CFAP47: variants seen among roughly 807,000 people sequenced by gnomAD.
CFAP47 encodes cilia- and flagella-associated protein 47.
In CFAP47, 29 loss-of-function variants were observed where a neutral mutation model predicts 148.1. The observed-to-expected ratio is 0.20, with a 90% CI of 0.15 to 0.27. CFAP47 has a LOEUF of 0.27. Ranked by LOEUF, CFAP47 falls within the 10% of genes least tolerant of loss-of-function variation. The pLI is 1.00. For synonymous variants in CFAP47, 664 were observed against 577.3 expected, an observed-to-expected ratio of 1.15 and a Z score of -2.15; for missense variants, 1,872 against 1,697.5, an observed-to-expected ratio of 1.10 and a Z score of -1.81.
At chrX:35,945,447 C>A (rs1345141137) in intron 3 of CFAP47, among the ~76,000 whole-genome samples, 1 of 111,042 alleles carries the variant, frequency 9.0e-6, no homozygotes, top group Non-Finnish European at 1.9e-5. Flanking sequence ...ACTGACTACT[C>A]CTAGATCTAT....
chrX:36,124,152 G>A (rs920400486), intron 33 of CFAP47, among the ~76,000 whole-genome samples: 2 of 111,577 alleles, frequency 1.8e-5, no homozygotes, highest in Admixed American at 9.5e-5. Context: ...GCCTGAACTG[G>A]TATTGAAGAT....
At chrX:36,371,803 CATGTATAT>C (rs1427547293) in intron 62 of CFAP47, among the ~76,000 whole-genome samples, 2 of 49,306 alleles carry the variant, frequency 4.1e-5, no homozygotes, top group Non-Finnish European at 6.0e-5. Flanking sequence ...TATATACACA[CATGTATAT>C]ATGTGTGCAT....
At chrX:36,275,352 G>A (rs1941003698) in intron 49 of CFAP47, among the ~76,000 whole-genome samples, 1 of 109,543 alleles carries the variant, frequency 9.1e-6, no homozygotes, top group Admixed American at 9.8e-5. Context: ...GGGACTACAG[G>A]CATGAACCAC....
At chrX:36,198,713 T>C (rs1939945053) in intron 42 of CFAP47, among the ~76,000 whole-genome samples, 1 of 111,702 alleles carries the variant, frequency 9.0e-6, no homozygotes, top group African/African-American at 3.2e-5. Flanking sequence ...AAGGTCTCTG[T>C]TGTAATGTTA....
At chrX:36,032,478 G>C (rs750894099) in intron 23 of CFAP47, among the ~76,000 whole-genome samples, 2 of 110,649 alleles carry the variant, frequency 1.8e-5, no homozygotes, top group East Asian at 5.6e-4. Context: ...TTTACATAGT[G>C]GGTAATTAAA....
At chrX:36,317,856 A>G (rs1251307969) in intron 56 of CFAP47, among the ~76,000 whole-genome samples, 1 of 111,745 alleles carries the variant, frequency 8.9e-6, no homozygotes, top group Non-Finnish European at 1.9e-5. Flanking sequence ...AATAATTATA[A>G]CCATTTTTGA....
intron 63 of CFAP47, among the ~76,000 whole-genome samples, chrX:36,383,286 C>T (rs782152035): frequency 8.9e-6 from 1 of 112,017 alleles, no homozygotes; most frequent in East Asian, 2.8e-4. Flanking sequence ...ATACTTTTAG[C>T]TCTCATTTGT....
At chrX:36,234,615 C>T (rs1247573996) in intron 46 of CFAP47, among the ~76,000 whole-genome samples, 1 of 112,509 alleles carries the variant, frequency 8.9e-6, no homozygotes, top group Non-Finnish European at 1.9e-5. Flanking sequence ...TCTCTCAACT[C>T]GTCAAAGTCA....
intron 57 of CFAP47, among the ~76,000 whole-genome samples, chrX:36,346,949 A>G (rs6632577): frequency 0.11 from 11,918 of 111,764 alleles, 521 homozygotes; most frequent in East Asian, 0.26. Context: ...GGATGTAATT[A>G]AACTAAAGAG....
intron 13 of CFAP47, among the ~76,000 whole-genome samples, chrX:35,973,418 T>A (rs2146667687): frequency 9.0e-6 from 1 of 111,446 alleles, no homozygotes; most frequent in Non-Finnish European, 1.9e-5. Flanking sequence ...CTCCATCTCC[T>A]GACCTCGTGA....
At position 36,065,653 on chromosome X, in the gene CFAP47, C is replaced by G; in HGVS notation, c.4228C>G (p.Pro1410Ala). 8.4e-7 allele frequency: 1 copy of G among 1,183,883 alleles called. No individual in the cohort carries two copies. Among genetic ancestry groups the G allele is most frequent in the South Asian group, 1.8e-5 (1 of 54,769 alleles). ...TGTTTTCACTTTCAGGTTTTCACTT[C>G]CAGTTACTGCAACAGCAGAAAACTG... ...CDDRKNWFSL[P>A]VTATAENCIL... is the part of the protein sequence containing the mutation. Residue 1410 changes from proline to alanine, a missense_variant, in exon 27 of 64, where the codon CCA (proline) becomes GCA (alanine). Physicochemically the swap from Pro to Ala is conservative, Grantham distance 27. Transcript: ENST00000378653.
At chrX:36,085,689 A>C (rs1185316803) in intron 30 of CFAP47, 151 bp downstream of exon 30, 3 of 186,691 alleles carry the variant, frequency 1.6e-5, no homozygotes, top group Admixed American at 7.8e-5. Flanking sequence ...ACACGTATAT[A>C]TATATTATAT....
In CFAP47 at chrX:36,337,667, A is replaced by G. The variant is rs150066791; in HGVS notation, c.8444-10462A>G. Among the ~76,000 whole-genome samples, 257 of 110,918 alleles carry G rather than the reference A, an allele frequency of 2.3e-3. 1 individual carries two copies. Among genetic ancestry groups the G allele is most frequent in the South Asian group, 3.5e-3 (9 of 2,601 alleles). On this transcript the variant is annotated intron_variant, in intron 57 of 63. Coordinates refer to ENST00000378653, the MANE Select transcript of CFAP47 (RefSeq NM_001304548.2). ...TATAGAGGCAAAACAGAGGCAAATT[A>G]TCTGTTTCTGTCATTACATATTAAT...
intron 39 of CFAP47, among the ~76,000 whole-genome samples, chrX:36,167,606 T>C (rs919156486): frequency 9.0e-6 from 1 of 111,410 alleles, no homozygotes; most frequent in Non-Finnish European, 1.9e-5. Context: ...GCCCAGAACC[T>C]AGCCTTAGCA....
intron 2 of CFAP47, among the ~76,000 whole-genome samples, chrX:35,932,558 A>G (rs1935847131): frequency 9.3e-6 from 1 of 108,087 alleles, no homozygotes. Flanking sequence ...AGCCTGCTCC[A>G]TTTTTTTCTT....
chrX:36,276,720 AT>A (rs1322849389), intron 49 of CFAP47, among the ~76,000 whole-genome samples: 4 of 111,959 alleles, frequency 3.6e-5, no homozygotes, highest in Non-Finnish European at 7.5e-5. Context: ...AAACATAAAA[AT>A]ATACAAATAT....
Position 36,301,179 on chromosome X carries a change from A to G in CFAP47, c.7970A>G (p.Lys2657Arg). The G allele has an allele frequency of 2.8e-6, 3 of 1,079,358 alleles. No individual in the cohort carries two copies. The highest frequency in any genetic ancestry group is 3.8e-6 in the Non-Finnish European group (3 of 797,100). 89.0% of individuals were successfully genotyped at this position (1,079,358 alleles called of 1,213,427 possible). ...CCAGAAATACAGTGCGACCTTGGCA[A>G]GTAAGTTCTACTTAATAGATAAAGT... ...TMPEIQCDLG[K>R]HVTQIIPLVN... The change falls in exon 53 of 64, where the codon AAG becomes AGG. Residue 2657 changes from lysine to arginine, a missense_variant and splice_region_variant. Lys to Arg is a conservative substitution (Grantham distance 26). Coordinates refer to ENST00000378653, the MANE Select transcript of CFAP47 (RefSeq NM_001304548.2).
intron 45 of CFAP47, among the ~76,000 whole-genome samples, chrX:36,222,695 CTA>C (rs1484342285): frequency 9.1e-6 from 1 of 109,432 alleles, no homozygotes; most frequent in African/African-American, 3.3e-5. Flanking sequence ...TTTTTAATGT[CTA>C]TGGCTACATT....
intron 62 of CFAP47, among the ~76,000 whole-genome samples, chrX:36,368,333 G>T (rs1941898430): frequency 8.9e-6 from 1 of 111,741 alleles, no homozygotes; most frequent in African/African-American, 3.2e-5. Context: ...GTGAATGGAG[G>T]TAGATTAGTT....
Sources: gnomAD v4.1 joint callset for allele counts (sites outside exome capture counted in the v4.1 genomes callset) on GRCh38, gnomAD v4.1.1 for gene constraint, MANE v1.5 for transcripts, NCBI Gene and HGNC (gene_info 2026-07-23, HGNC 2026-07-21) for gene names.